Variants in DPYD observed in about 807,000 individuals in gnomAD.
The protein encoded by DPYD is dihydropyrimidine dehydrogenase, also known as dihydropyrimidine dehydrogenase [NADP(+)].
Under a neutral mutation model 116.2 loss-of-function variants are expected in DPYD, and 109 were observed. That is an observed-to-expected ratio of 0.94 (90% CI 0.80 to 1.10). The LOEUF (loss-of-function observed/expected upper bound fraction) is 1.10. Among genes scored for constraint, DPYD ranks in the 50% least tolerant of loss-of-function variants. DPYD has a pLI of 0.00. For synonymous variants in DPYD, 440 were observed against 432.0 expected, an observed-to-expected ratio of 1.02 and a Z score of -0.23; for missense variants, 1,302 against 1,254.5, an observed-to-expected ratio of 1.04 and a Z score of -0.57.
chr1:97,433,472 T>C (rs1040209363), intron 14 of DPYD, among the ~76,000 whole-genome samples: 2 of 152,224 alleles, frequency 1.3e-5, no homozygotes, highest in African/African-American at 4.8e-5. Context: ...CTGCTCTCCT[T>C]GTCACTTTCT....
At chr1:97,335,345 C>CAT (rs1558038194) in intron 16 of DPYD, among the ~76,000 whole-genome samples, 1 of 148,698 alleles carries the variant, frequency 6.7e-6, no homozygotes, top group Admixed American at 6.8e-5. Flanking sequence ...CACACACACA[C>CAT]GATGCCTGGG....
rs543690261 is a variant in DPYD at position 97,604,246 on chromosome 1, T to C, written c.851-9080A>G. 3.9e-5 allele frequency among the ~76,000 whole-genome samples: 6 copies of C among 152,234 alleles called. No individual in the cohort carries two copies. In the East Asian group the frequency reaches 1.2e-3, roughly 29 times the overall value. ...ACTTATATAGCTATAAATCCAAGCA[T>C]AAATAATTAAACTTTAAGCCTCAGT... On this transcript the variant is annotated intron_variant, in intron 8 of 22. Coordinates refer to ENST00000370192, the MANE Select transcript of DPYD (RefSeq NM_000110.4).
chr1:97,834,219 TA>T (rs1315181995), intron 2 of DPYD, among the ~76,000 whole-genome samples: 1 of 151,942 alleles, frequency 6.6e-6, no homozygotes, highest in African/African-American at 2.4e-5. Context: ...ATTTCTAATT[TA>T]AAAAAAGACA....
intron 13 of DPYD, among the ~76,000 whole-genome samples, chr1:97,512,977 T>A (rs1463050282): frequency 6.6e-6 from 1 of 151,270 alleles, no homozygotes; most frequent in Non-Finnish European, 1.5e-5. Flanking sequence ...AGCAAACAGA[T>A]CTTTTCATAT....
intron 5 of DPYD, among the ~76,000 whole-genome samples, chr1:97,718,366 T>C (rs116568404): frequency 0.013 from 1,973 of 151,912 alleles, 38 homozygotes; most frequent in African/African-American, 0.045. Flanking sequence ...TGGGTATTAG[T>C]ACAATAAAAG....
intron 8 of DPYD, among the ~76,000 whole-genome samples, chr1:97,611,436 T>C (rs1655940266): frequency 6.6e-6 from 1 of 152,014 alleles, no homozygotes; most frequent in Non-Finnish European, 1.5e-5. Context: ...TATACAAAAA[T>C]GCACAAATCT....
chr1:97,400,340 A>G (rs377281316), intron 14 of DPYD, among the ~76,000 whole-genome samples: 4 of 152,250 alleles, frequency 2.6e-5, no homozygotes, highest in Admixed American at 1.3e-4. Context: ...GTGTTGCTGG[A>G]TTCAGTTTGC....
chr1:97,527,245 A>AT (rs1375582054), intron 12 of DPYD, among the ~76,000 whole-genome samples: 2 of 151,800 alleles, frequency 1.3e-5, no homozygotes, highest in Non-Finnish European at 2.9e-5. Context: ...CGCCCAGCTA[A>AT]TTTTTGTATT....
intron 11 of DPYD, among the ~76,000 whole-genome samples, chr1:97,571,362 G>A (rs567138888): frequency 1.3e-4 from 20 of 151,954 alleles, no homozygotes; most frequent in Non-Finnish European, 2.4e-4. Context: ...GTATTACTAC[G>A]CTTTTTTTTA....
intron 16 of DPYD, among the ~76,000 whole-genome samples, chr1:97,339,938 A>T (rs1010118923): frequency 6.6e-6 from 1 of 152,192 alleles, no homozygotes; most frequent in Non-Finnish European, 1.5e-5. Context: ...CTAAAAAGGT[A>T]CAGGGAGTAG....
At chr1:97,669,526 T>G (rs1659745427) in intron 8 of DPYD, among the ~76,000 whole-genome samples, 1 of 152,120 alleles carries the variant, frequency 6.6e-6, no homozygotes, top group Admixed American at 6.6e-5. Flanking sequence ...TGATATAAAT[T>G]TCAATTGCAT....
At chr1:97,794,192 C>T (rs1261807210) in intron 3 of DPYD, among the ~76,000 whole-genome samples, 1 of 152,152 alleles carries the variant, frequency 6.6e-6, no homozygotes, top group Non-Finnish European at 1.5e-5. Flanking sequence ...TCAACCTCAG[C>T]CTTCCCAAAT....
intron 3 of DPYD, among the ~76,000 whole-genome samples, chr1:97,798,937 C>T (rs983391398): frequency 1.3e-5 from 2 of 152,084 alleles, no homozygotes; most frequent in Non-Finnish European, 1.5e-5. Flanking sequence ...AAAGTCCAGC[C>T]TTGCCACTTA....
At chr1:97,701,117 A>G (rs934333868) in intron 5 of DPYD, among the ~76,000 whole-genome samples, 1 of 149,910 alleles carries the variant, frequency 6.7e-6, no homozygotes, top group Admixed American at 6.7e-5. Flanking sequence ...AAGAGCACAG[A>G]TAGATAAGTG....
intron 18 of DPYD, among the ~76,000 whole-genome samples, chr1:97,301,815 C>T (rs1666884079): frequency 6.6e-6 from 1 of 151,878 alleles, no homozygotes; most frequent in African/African-American, 2.4e-5. Context: ...GTGAAAATGT[C>T]ACACCACAGC....
intron 3 of DPYD, among the ~76,000 whole-genome samples, chr1:97,779,348 T>C (rs1397848627): frequency 3.3e-5 from 5 of 151,734 alleles, no homozygotes; most frequent in East Asian, 3.9e-4. Context: ...CAAGCTGCAA[T>C]AGCTTAGATT....
intron 13 of DPYD, among the ~76,000 whole-genome samples, chr1:97,451,236 CTAGA>C (rs1022348394): frequency 1.4e-4 from 21 of 152,234 alleles, no homozygotes; most frequent in Admixed American, 1.2e-3. Context: ...GTTTTTCCAA[CTAGA>C]TAGACAGGAA....
At chr1:97,635,915 G>A (rs527499836) in intron 8 of DPYD, among the ~76,000 whole-genome samples, 4 of 152,152 alleles carry the variant, frequency 2.6e-5, no homozygotes, top group African/African-American at 9.6e-5. Context: ...GAGTTCCTAG[G>A]CCCAAGCAAT....
chr1:97,280,366 C>G (rs189471723), intron 18 of DPYD, among the ~76,000 whole-genome samples: 15 of 152,120 alleles, frequency 9.9e-5, no homozygotes, highest in Admixed American at 7.9e-4. Flanking sequence ...ACAGAATGAA[C>G]TGCATCCAAA....
Sources: allele counts gnomAD v4.1 joint callset (sites outside exome capture counted in the v4.1 genomes callset), GRCh38; gene constraint gnomAD v4.1.1; transcripts MANE v1.5; gene names NCBI Gene and HGNC (gene_info 2026-07-23, HGNC 2026-07-21).